SHROOM2: variants seen among roughly 807,000 people sequenced by gnomAD.
SHROOM2 encodes the protein protein Shroom2.
Under a neutral mutation model 75.9 loss-of-function variants are expected in SHROOM2, and 33 were observed. That is an observed-to-expected ratio of 0.43 (90% confidence interval 0.33 to 0.58). SHROOM2 has a LOEUF of 0.58. SHROOM2 is among the 20% of genes least tolerant of loss of function. The pLI is 0.04. For synonymous variants in SHROOM2, 655 were observed against 663.6 expected, an observed-to-expected ratio of 0.99 and a Z score of 0.20; for missense variants, 1,434 against 1,461.2, an observed-to-expected ratio of 0.98 and a Z score of 0.30.
rs896336620 is a variant in SHROOM2, at chrX:9,892,059, C to T, written c.449+951C>T. 5.5e-5 allele frequency among the ~76,000 whole-genome samples: 6 copies of T among 108,644 alleles called. No individual in the cohort carries two copies. The South Asian group carries it at 1.2e-3, about 22-fold the overall frequency. The allele number at this position is 108,644 out of a possible 115,157, so 94.3% of individuals were successfully genotyped here. ...AAGATTGTTTGAGTTCAAGACCACC[C>T]GGGACAACACAGCAAGACCCCATCT... On this transcript the variant is annotated intron_variant, in intron 3 of 9. Transcript: ENST00000380913.
At position 9,895,874 on chromosome X, in the gene SHROOM2, G is replaced by A. The variant is rs1275352811; in HGVS notation, c.1966G>A (p.Ala656Thr). Residue 656 changes from alanine to threonine, a missense_variant, in exon 4 of 10, where the codon GCG becomes ACG. Around this residue, in one of 3 missense-constraint regions of SHROOM2, gnomAD observed 1,340 missense variants for 1,338.3 expected, o/e 1.00. Coordinates refer to ENST00000380913, the MANE Select transcript of SHROOM2 (RefSeq NM_001649.4). Reference sequence around the variant, plus strand: ...AGTGGCTCTGACTGCAGCAGGGGAGGCGGAGGATGGCACCGGCCGCTGGAG... The same window carrying A: ...AGTGGCTCTGACTGCAGCAGGGGAGACGGAGGATGGCACCGGCCGCTGGAG... ...STVALTAAGE[A>T]EDGTGRWRAG... 1.7e-6 allele frequency: 2 copies of A among 1,203,177 alleles called. No homozygotes were observed. Among genetic ancestry groups the A allele is most frequent in the South Asian group, 1.8e-5 (1 of 55,290 alleles).
In SHROOM2 at chrX:9,873,771, G is replaced by T. The variant is rs754772424; in HGVS notation, c.285G>T (p.Gly95=). The T allele has an allele frequency of 1.7e-6, 2 of 1,209,561 alleles. No individual in the cohort carries two copies. Among genetic ancestry groups the T allele is most frequent in the African/African-American group, 3.5e-5 (2 of 56,994 alleles). ...FRQEAICLVK[G]SHKTLKLVVK... ...AGGAAGCGATTTGCCTGGTGAAGGG[G>T]TCCCATAAGACCCTGAAGCTGGTCG... Residue 95 remains glycine, a synonymous_variant, in exon 2 of 10, where the codon GGG becomes GGT. Coordinates refer to ENST00000380913, the MANE Select transcript of SHROOM2 (RefSeq NM_001649.4).
chrX:9,791,799 C>T (rs1285042835), intron 1 of SHROOM2, among the ~76,000 whole-genome samples: 3 of 109,988 alleles, frequency 2.7e-5, no homozygotes, highest in Non-Finnish European at 5.7e-5. Context: ...TCAGGACCAG[C>T]CTGACCAACA....
Position 9,863,325 on chromosome X carries a change from C to T in SHROOM2, c.166-10327C>T, listed in dbSNP as rs766616768. ...TTTTGGGAGCCACATGCCCCCTTTT[C>T]ACCTAGCCGATCACCCAGCCGTAGG... On this transcript the variant is annotated intron_variant, in intron 1 of 9. Transcript: ENST00000380913. Among the ~76,000 whole-genome samples, 303 of 111,359 alleles carry T rather than the reference C, an allele frequency of 2.7e-3. 1 individual carries two copies. Among genetic ancestry groups the T allele is most frequent in the Middle Eastern group, 0.014 (3 of 219 alleles).
intron 1 of SHROOM2, among the ~76,000 whole-genome samples, chrX:9,821,146 A>C (rs1319711382): frequency 8.9e-6 from 1 of 112,034 alleles, no homozygotes; most frequent in Non-Finnish European, 1.9e-5. Flanking sequence ...CATCTGGGTG[A>C]TGCTAATGCT....
chrX:9,802,057 G>A, intron 1 of SHROOM2, among the ~76,000 whole-genome samples: 1 of 110,926 alleles, frequency 9.0e-6, no homozygotes, highest in African/African-American at 3.3e-5. Flanking sequence ...TAGATGTGTG[G>A]TGCTCTTAGT....
At chrX:9,944,328 C>G (rs1292608414) in intron 8 of SHROOM2, among the ~76,000 whole-genome samples, 1 of 111,824 alleles carries the variant, frequency 8.9e-6, no homozygotes, top group African/African-American at 3.2e-5. Flanking sequence ...GTGACTCCTT[C>G]CAAAGATATG....
At position 9,882,178 on chromosome X, in the gene SHROOM2, C is replaced by CTTTTTTTT. The variant is rs386416608; in HGVS notation, c.317+8386_317+8393dup. Among the ~76,000 whole-genome samples, 40 of 70,924 alleles carry CTTTTTTTT rather than the reference C, an allele frequency of 5.6e-4. 2 individuals carry two copies. The highest frequency in any genetic ancestry group is 7.2e-4 in the Non-Finnish European group (29 of 40,267). The allele number at this position is 70,924 out of a possible 115,157, so 61.6% of individuals were successfully genotyped here. A position where few individuals can be genotyped will look rare whatever the true frequency, so the allele number is the denominator to read the frequency against. ...AACAGCAGTCTGCAATCCCTTGTTG[C>CTTTTTTTT]TTTTTTTTTTTTTTTTTTGGTATGG... On this transcript the variant is annotated intron_variant, in intron 2 of 9. Transcript: ENST00000380913.
intron 1 of SHROOM2, among the ~76,000 whole-genome samples, chrX:9,864,883 C>T (rs985337401): frequency 3.6e-5 from 4 of 110,512 alleles, no homozygotes; most frequent in Non-Finnish European, 5.7e-5. Flanking sequence ...TGTGGTGACA[C>T]ATGCCTGTAG....
chrX:9,843,773 T>C (rs1045687804), intron 1 of SHROOM2, among the ~76,000 whole-genome samples: 3 of 112,645 alleles, frequency 2.7e-5, no homozygotes, highest in Non-Finnish European at 3.8e-5. Context: ...TTCCTTGTTA[T>C]TGATGACTCT....
At chrX:9,925,640 G>A (rs1231374364) in intron 5 of SHROOM2, among the ~76,000 whole-genome samples, 3 of 112,343 alleles carry the variant, frequency 2.7e-5, no homozygotes, top group African/African-American at 9.7e-5. Flanking sequence ...CACAGTTCCG[G>A]TCCCAGACCC....
intron 1 of SHROOM2, among the ~76,000 whole-genome samples, chrX:9,808,276 A>T (rs1335164312): frequency 1.9e-5 from 2 of 108,052 alleles, no homozygotes; most frequent in African/African-American, 6.8e-5. Flanking sequence ...AAAAATGGAG[A>T]CTGTGCGCTG....
intron 1 of SHROOM2, among the ~76,000 whole-genome samples, chrX:9,807,575 C>T (rs773544874): frequency 1.1e-4 from 12 of 112,169 alleles, no homozygotes; most frequent in East Asian, 2.8e-4. Context: ...TGCTGTGCCA[C>T]GGAAATAAAA....
In SHROOM2 at chrX:9,896,403, C is replaced by T. The variant is rs12006769; in HGVS notation, c.2495C>T (p.Ala832Val). 3,715 of 1,211,242 alleles carry T rather than the reference C, an allele frequency of 3.1e-3. 93 individuals carry two copies. The African/African-American group carries it at 0.056, about 18-fold the overall frequency. The change falls in exon 4 of 10, where the codon GCG becomes GTG. Residue 832 changes from alanine (A) to valine (V), a missense_variant. Around this residue, in one of 3 missense-constraint regions of SHROOM2, gnomAD observed 1,340 missense variants for 1,338.3 expected, o/e 1.00. Coordinates refer to ENST00000380913, the MANE Select transcript of SHROOM2 (RefSeq NM_001649.4). Reference protein sequence around the residue: ...PRDKPERPRTAGRTCEGTEPW... With the variant: ...PRDKPERPRTVGRTCEGTEPW... ...GACAAGCCAGAGAGGCCGCGGACAG[C>T]GGGCCGCACATGTGAGGGCACGGAG... is the stretch of plus-strand genomic sequence containing the variant.
At chrX:9,795,844 T>C (rs1430425530) in intron 1 of SHROOM2, among the ~76,000 whole-genome samples, 6 of 110,566 alleles carry the variant, frequency 5.4e-5, no homozygotes, top group Non-Finnish European at 9.4e-5. Flanking sequence ...AGTCTGCCAG[T>C]TGAGGGGATC....
intron 8 of SHROOM2, 148 bp downstream of exon 8, chrX:9,939,514 G>A: frequency 2.2e-6 from 1 of 447,003 alleles, no homozygotes; most frequent in South Asian, 5.1e-5. Context: ...GGAATTTGAG[G>A]TGATATTAGT....
chrX:9,857,867 G>T (rs1464758733), intron 1 of SHROOM2, among the ~76,000 whole-genome samples: 2 of 110,744 alleles, frequency 1.8e-5, no homozygotes, highest in Non-Finnish European at 1.9e-5. Context: ...GGTAGTGGCT[G>T]CTCCTTCAGA....
At position 9,895,966 on chromosome X, in the gene SHROOM2, G is replaced by C; in HGVS notation, c.2058G>C (p.Glu686Asp). Residue 686 changes from glutamate (E) to aspartate (D), a missense_variant, in exon 4 of 10, where the codon GAG (glutamate) becomes GAC (aspartate). This residue lies in a region of SHROOM2 where 1,340 missense variants were observed against 1,338.3 expected (regional missense o/e 1.00). Coordinates refer to ENST00000380913, the MANE Select transcript of SHROOM2 (RefSeq NM_001649.4). ...GCACCTATAAAGACCACCTGAAAGAGGCCCAAGCCCGGGTCCTGAGGGCCA... is the reference window on the plus strand; with the variant it reads ...GCACCTATAAAGACCACCTGAAAGACGCCCAAGCCCGGGTCCTGAGGGCCA... The part of the protein sequence containing the change: ...LAGTYKDHLK[E>D]AQARVLRATS... 2 of 1,199,321 alleles carry C rather than the reference G, an allele frequency of 1.7e-6. No homozygotes were observed. The highest frequency in any genetic ancestry group is 2.2e-6 in the Non-Finnish European group (2 of 889,492).
intron 1 of SHROOM2, among the ~76,000 whole-genome samples, chrX:9,801,074 G>T (rs756909629): frequency 4.8e-4 from 54 of 111,796 alleles, no homozygotes; most frequent in Middle Eastern, 4.6e-3. Flanking sequence ...GTTCCATGTG[G>T]CTGGGGAGGC....
Sources: allele counts gnomAD v4.1 joint callset (sites outside exome capture counted in the v4.1 genomes callset), GRCh38; gene constraint gnomAD v4.1.1; regional missense constraint gnomAD v4.1.1; transcripts MANE v1.5; gene names NCBI Gene and HGNC (gene_info 2026-07-23, HGNC 2026-07-21).